CEP78: variants seen among roughly 807,000 people sequenced by gnomAD.
The protein encoded by CEP78 is centrosomal protein of 78 kDa.
CEP78 carries 76 observed loss-of-function variants against 81.2 expected under a neutral mutation model. The observed-to-expected ratio is 0.94, with a 90% CI of 0.78 to 1.13. The LOEUF (loss-of-function observed/expected upper bound fraction) is 1.13. CEP78 is among the 50% of genes most tolerant of loss of function. The pLI is 0.00. For synonymous variants in CEP78, 293 were observed against 301.4 expected, an observed-to-expected ratio of 0.97 and a Z score of 0.29; for missense variants, 918 against 846.8, an observed-to-expected ratio of 1.08 and a Z score of -1.04.
chr9:78,264,264 G>A lies in CEP78; in HGVS notation c.1573G>A (p.Glu525Lys), dbSNP rs781419520. 2 of 1,612,820 alleles carry A rather than the reference G, an allele frequency of 1.2e-6. No homozygotes were observed. The highest frequency in any genetic ancestry group is 1.7e-6 in the Non-Finnish European group (2 of 1,179,342). Residue 525 changes from glutamate (E) to lysine (K), a missense_variant, in exon 13 of 17, where the codon GAG (glutamate) becomes AAG (lysine). Physicochemically the swap from Glu to Lys is moderately conservative, Grantham distance 56. Transcript: ENST00000643273. ...LDDEGVLGSI[E>K]NSFQKFHAFL... ...TGATGAAGGTGTTTTGGGCAGCATT[G>A]AGAATTCTTTTCAGAAGTTTCATGC...
At chr9:78,264,476 T>C (rs1827422943) in intron 13 of CEP78, among the ~76,000 whole-genome samples, 160 bp downstream of exon 13, 1 of 152,052 alleles carries the variant, frequency 6.6e-6, no homozygotes, top group Non-Finnish European at 1.5e-5. Context: ...TTAAAAGAAA[T>C]GCAAAATGAC....
At chr9:78,260,129 T>A (rs1174014170) in intron 11 of CEP78, among the ~76,000 whole-genome samples, 1 of 152,252 alleles carries the variant, frequency 6.6e-6, no homozygotes, top group Non-Finnish European at 1.5e-5. Context: ...AGTGATAGAC[T>A]GTTTCATTGC....
At chr9:78,244,327 T>C (rs919721685) in intron 5 of CEP78, among the ~76,000 whole-genome samples, 5 of 152,050 alleles carry the variant, frequency 3.3e-5, no homozygotes, top group Admixed American at 3.3e-4. Context: ...AGGGTCTTGC[T>C]GTGTTGCCCA....
intron 15 of CEP78, 31 bp downstream of exon 15, chr9:78,265,937 A>G (rs934272455): frequency 2.8e-6 from 3 of 1,074,564 alleles, no homozygotes; most frequent in Non-Finnish European, 4.2e-6. Context: ...AATTTTTCAG[A>G]ATAAGTAATT....
chr9:78,278,577 G>T lies in CEP78; in HGVS notation c.*7726G>T, dbSNP rs577732061. The T allele has an allele frequency of 6.6e-6, 1 of 152,284 alleles. No homozygotes were observed. The highest frequency in any genetic ancestry group is 2.4e-5 in the African/African-American group (1 of 41,548). The allele number at this position is 152,284 out of a possible 1,614,324, so 9.4% of individuals were successfully genotyped here. A position where few individuals can be genotyped will look rare whatever the true frequency, so the allele number is the denominator to read the frequency against. ...GAAAATTATGTTGGCAACTCACGAA[G>T]TATGTTTCACAATCCACTAATGGGT... On this transcript the variant is annotated 3_prime_UTR_variant, in exon 17 of 17. Transcript: ENST00000643273.
intron 10 of CEP78, 64 bp from the exon 11 acceptor site, chr9:78,254,772 A>G: frequency 7.6e-7 from 1 of 1,319,256 alleles, no homozygotes; most frequent in Non-Finnish European, 1.1e-6. Flanking sequence ...CACTTTGATT[A>G]GATGTCCTTT....
intron 12 of CEP78, 30 bp downstream of exon 12, chr9:78,263,014 GT>G (rs763821421): frequency 7.0e-7 from 1 of 1,427,632 alleles, no homozygotes; most frequent in South Asian, 1.3e-5. Context: ...CCTTTTGAGA[GT>G]TTTTTGTTTT....
At chr9:78,253,456 C>T in intron 10 of CEP78, 179 bp downstream of exon 10, 2 of 533,524 alleles carry the variant, frequency 3.7e-6, no homozygotes, top group Non-Finnish European at 6.8e-6. Flanking sequence ...ATATGTCACA[C>T]AATGGAGGCC....
At chr9:78,244,530 C>A (rs2118186264) in intron 5 of CEP78, among the ~76,000 whole-genome samples, 1 of 152,178 alleles carries the variant, frequency 6.6e-6, no homozygotes, top group East Asian at 1.9e-4. Flanking sequence ...TTCAGAAATG[C>A]TGTGCCATAT....
At chr9:78,243,688 A>G (rs1826341548) in intron 5 of CEP78, 52 bp downstream of exon 5, 2 of 1,483,166 alleles carry the variant, frequency 1.3e-6, no homozygotes, top group South Asian at 1.2e-5. Flanking sequence ...TTGATATTAA[A>G]TATGCTTAAC....
intron 10 of CEP78, 113 bp from the exon 11 acceptor site, chr9:78,254,723 T>C: frequency 1.4e-6 from 1 of 722,480 alleles, no homozygotes; most frequent in South Asian, 1.9e-5. Flanking sequence ...GGAGTAGTGA[T>C]AGACATTTAT....
At chr9:78,260,535 G>T (rs972517078) in intron 11 of CEP78, among the ~76,000 whole-genome samples, 1 of 151,902 alleles carries the variant, frequency 6.6e-6, no homozygotes, top group Non-Finnish European at 1.5e-5. Flanking sequence ...GTGAAACCCT[G>T]TCTCTACTAA....
At chr9:78,236,634 G>T (rs781088538) in intron 1 of CEP78, 31 bp downstream of exon 1, 1 of 1,516,202 alleles carries the variant, frequency 6.6e-7, no homozygotes, top group Non-Finnish European at 8.8e-7. Context: ...GGGCCCCTCA[G>T]TCGGTGCGGC....
At chr9:78,263,315 G>A (rs1436593872) in intron 12 of CEP78, among the ~76,000 whole-genome samples, 1 of 152,076 alleles carries the variant, frequency 6.6e-6, no homozygotes, top group Admixed American at 6.6e-5. Flanking sequence ...AAAAGATGGG[G>A]ATGAGACTAT....
At position 78,277,711 on chromosome 9, in the gene CEP78, T is replaced by A. The variant is rs530950828; in HGVS notation, c.*6860T>A. ...TGTCTCCAGCCTTTGATCTAATGAC[T>A]AATTTTAGGCATCCAGCCTGAAGAA... On this transcript the variant is annotated 3_prime_UTR_variant, in exon 17 of 17. Coordinates refer to ENST00000643273, the MANE Select transcript of CEP78 (RefSeq NM_001330691.3). 1.3e-5 allele frequency: 2 copies of A among 152,216 alleles called. No homozygotes were observed. The highest frequency in any genetic ancestry group is 2.9e-5 in the Non-Finnish European group (2 of 68,026). 9.4% of individuals were successfully genotyped at this position (152,216 alleles called of 1,614,324 possible). A position where few individuals can be genotyped will look rare whatever the true frequency, so the allele number is the denominator to read the frequency against.
intron 12 of CEP78, 120 bp from the exon 13 acceptor site, chr9:78,264,028 TAG>T: frequency 1.5e-6 from 1 of 650,948 alleles, no homozygotes; most frequent in Non-Finnish European, 2.4e-6. Context: ...TCTTTACTGG[TAG>T]AGAGTTAGAT....
chr9:78,266,415 A>G (rs1827534135), intron 15 of CEP78, 27 bp from the exon 16 acceptor site: 1 of 1,543,114 alleles, frequency 6.5e-7, no homozygotes, highest in Non-Finnish European at 8.8e-7. Context: ...GTTTGTCACT[A>G]AATTTTTGTT....
chr9:78,251,939 C>T lies in CEP78; in HGVS notation c.1101C>T (p.Gly367=). 1 of 1,608,078 alleles carries T rather than the reference C, an allele frequency of 6.2e-7. No individual in the cohort carries two copies. The highest frequency in any genetic ancestry group is 8.5e-7 in the Non-Finnish European group (1 of 1,175,938). ...CTACAAAGAAACCTGTAAGTAGTGG[C>T]AGAAAACACTCCCTTGGTAAAGAAT... ...GLATKKPVSS[G]RKHSLGKEYY... is the part of the protein sequence containing the mutation. The change falls in exon 9 of 17, where the codon GGC becomes GGT. Residue 367 remains glycine, a synonymous_variant. Coordinates refer to ENST00000643273, the MANE Select transcript of CEP78 (RefSeq NM_001330691.3).
In CEP78 at chr9:78,251,989, C is replaced by G. The variant is rs528143854; in HGVS notation, c.1151C>G (p.Pro384Arg). The change falls in exon 9 of 17, where the codon CCT becomes CGT. Residue 384 changes from proline (P) to arginine (R), a missense_variant. Pro to Arg is a moderately radical substitution (Grantham distance 103). Coordinates refer to ENST00000643273, the MANE Select transcript of CEP78 (RefSeq NM_001330691.3). ...KEYYAPAPLP[P>R]GVSGFLPWRT... Reference sequence around the variant, plus strand: ...TATTATGCGCCCGCACCTCTTCCACCTGGTGTGTCTGGTTTCTTGCCGTGG... The same window carrying G: ...TATTATGCGCCCGCACCTCTTCCACGTGGTGTGTCTGGTTTCTTGCCGTGG... The G allele has an allele frequency of 5.6e-6, 9 of 1,606,736 alleles. No individual in the cohort carries two copies. The African/African-American group carries it at 1.1e-4, about 19-fold the overall frequency.
Sources: gnomAD v4.1 joint callset for allele counts (sites outside exome capture counted in the v4.1 genomes callset) on GRCh38, gnomAD v4.1.1 for gene constraint, MANE v1.5 for transcripts, NCBI Gene and HGNC (gene_info 2026-07-23, HGNC 2026-07-21) for gene names.